Variants in DOCK5 observed in about 807,000 individuals in gnomAD.
DOCK5 encodes dedicator of cytokinesis 5.
A neutral mutation model predicts 251.8 loss-of-function variants in DOCK5; 142 were observed. The ratio of observed to expected loss-of-function variants is 0.56; its 90% CI spans 0.49 to 0.65. The LOEUF is 0.65. Ranked by LOEUF, DOCK5 falls within the 30% of genes least tolerant of loss-of-function variation. The pLI is 0.00. For missense variants in DOCK5, 2,111 were observed against 2,312.3 expected, an observed-to-expected ratio of 0.91 and a Z score of 1.79; for synonymous variants, 842 against 835.5, an observed-to-expected ratio of 1.01 and a Z score of -0.13.
At chr8:25,395,990 G>T in intron 45 of DOCK5, 1 of 509,810 alleles carries the variant, frequency 2.0e-6, no homozygotes, top group Non-Finnish European at 3.6e-6. Context: ...TGTCTCCCCT[G>T]AGGGTTATAC....
chr8:25,348,151 C>T (rs1800403456), intron 26 of DOCK5, among the ~76,000 whole-genome samples: 2 of 152,158 alleles, frequency 1.3e-5, no homozygotes, highest in Admixed American at 1.3e-4. Flanking sequence ...CCTCTCATCT[C>T]CTTAGTTAAC....
At chr8:25,386,605 A>C (rs371233261) in intron 40 of DOCK5, among the ~76,000 whole-genome samples, 2 of 152,274 alleles carry the variant, frequency 1.3e-5, no homozygotes, top group East Asian at 3.9e-4. Context: ...CTCAAAAAAT[A>C]AAATAAAAAA....
chr8:25,251,306 A>T (rs1268099338), intron 2 of DOCK5, among the ~76,000 whole-genome samples: 1 of 152,234 alleles, frequency 6.6e-6, no homozygotes, highest in African/African-American at 2.4e-5. Flanking sequence ...AGGCAGGCAC[A>T]GCACATATTA....
intron 4 of DOCK5, chr8:25,276,934 T>C (rs1317949742): frequency 6.6e-6 from 1 of 152,202 alleles, no homozygotes; most frequent in Non-Finnish European, 1.5e-5. Context: ...GAGGATGTTA[T>C]GACACAGGCG....
In DOCK5 at chr8:25,372,037, A is replaced by G. The variant is rs77304336; in HGVS notation, c.3525-522A>G. Among the ~76,000 whole-genome samples, 544 of 152,356 alleles carry G rather than the reference A, an allele frequency of 3.6e-3. 4 individuals carry two copies. Among genetic ancestry groups the G allele is most frequent in the African/African-American group, 0.013 (528 of 41,576 alleles). On this transcript the variant is annotated intron_variant, in intron 34 of 51. Transcript: ENST00000276440. ...CTGAAGCTAACACTTTTATCTAAAG[A>G]GCCGCATTGCAGGAGATGTACTAGG...
intron 1 of DOCK5, among the ~76,000 whole-genome samples, chr8:25,185,277 C>G: frequency 6.6e-6 from 1 of 152,166 alleles, no homozygotes; most frequent in East Asian, 1.9e-4. Flanking sequence ...GGGGCCGCAG[C>G]TCTGTGGCTC....
At chr8:25,232,470 A>C (rs1369738364) in intron 1 of DOCK5, among the ~76,000 whole-genome samples, 1 of 152,222 alleles carries the variant, frequency 6.6e-6, no homozygotes. Context: ...AGTAAACAAC[A>C]GAAATAGATT....
chr8:25,242,505 G>T (rs1563321605), intron 1 of DOCK5, among the ~76,000 whole-genome samples: 3 of 152,120 alleles, frequency 2.0e-5, no homozygotes, highest in Admixed American at 2.0e-4. Context: ...CTTTATCATA[G>T]CCATTCTAGT....
intron 2 of DOCK5, among the ~76,000 whole-genome samples, chr8:25,252,265 C>T (rs953570047): frequency 6.6e-6 from 1 of 152,082 alleles, no homozygotes; most frequent in Non-Finnish European, 1.5e-5. Flanking sequence ...AAGAGAGAGA[C>T]AAAAGATTCA....
chr8:25,399,843 A>G (rs2117333205), intron 45 of DOCK5, 68 bp from the exon 46 acceptor site: 2 of 1,246,644 alleles, frequency 1.6e-6, no homozygotes, highest in South Asian at 2.6e-5. Context: ...CACATGTTTC[A>G]CCCTTCCAGG....
chr8:25,207,541 C>T (rs1430492134), intron 1 of DOCK5, among the ~76,000 whole-genome samples: 2 of 152,172 alleles, frequency 1.3e-5, no homozygotes, highest in East Asian at 3.9e-4. Context: ...GGGCCCTTAA[C>T]AATTATGCTA....
chr8:25,199,371 C>T (rs979045789), intron 1 of DOCK5, among the ~76,000 whole-genome samples: 4 of 143,170 alleles, frequency 2.8e-5, no homozygotes, highest in East Asian at 2.1e-4. Flanking sequence ...CTTCCATTTC[C>T]GCTCTGTTCT....
At chr8:25,314,544 C>G (rs1350328551) in intron 13 of DOCK5, among the ~76,000 whole-genome samples, 1 of 149,706 alleles carries the variant, frequency 6.7e-6, no homozygotes, top group Non-Finnish European at 1.5e-5. Flanking sequence ...ATCCATTCAT[C>G]CATCCATCCA....
At chr8:25,223,965 T>C (rs1214462301) in intron 1 of DOCK5, among the ~76,000 whole-genome samples, 1 of 152,202 alleles carries the variant, frequency 6.6e-6, no homozygotes, top group Non-Finnish European at 1.5e-5. Flanking sequence ...TTTCTCTGTT[T>C]TATTTACTGC....
intron 1 of DOCK5, among the ~76,000 whole-genome samples, chr8:25,199,383 T>TC (rs1554515507): frequency 6.8e-6 from 1 of 147,642 alleles, no homozygotes; most frequent in Non-Finnish European, 1.5e-5. Context: ...CTCTGTTCTT[T>TC]TTTTTTTTTT....
At chr8:25,368,368 G>C in intron 32 of DOCK5, 118 bp downstream of exon 32, 2 of 1,141,116 alleles carry the variant, frequency 1.8e-6, no homozygotes, top group Non-Finnish European at 2.5e-6. Flanking sequence ...CTGTGTGTCT[G>C]GAAGTGAAAG....
rs1801631489 is a variant in DOCK5, at chr8:25,411,476, T to G, written c.*178T>G. ...CAAAAGCTTCTCTTTGATAGAATTT[T>G]GAGGCCATGCCACCTCCCTTCCAGT... On this transcript the variant is annotated 3_prime_UTR_variant, in exon 52 of 52. Coordinates refer to ENST00000276440, the MANE Select transcript of DOCK5 (RefSeq NM_024940.8). 3.3e-6 allele frequency: 3 copies of G among 897,046 alleles called. No individual in the cohort carries two copies. In the African/African-American group the frequency reaches 5.3e-5, roughly 16 times the overall value. The allele number at this position is 897,046 out of a possible 1,614,324, so 55.6% of individuals were successfully genotyped here.
intron 18 of DOCK5, among the ~76,000 whole-genome samples, chr8:25,331,853 C>A (rs1805691773): frequency 7.4e-6 from 1 of 134,902 alleles, no homozygotes; most frequent in African/African-American, 2.8e-5. Flanking sequence ...TACACACATA[C>A]CTATGTTCCT....
rs978617450 is a variant in DOCK5, at chr8:25,341,766, A to G, written c.2467A>G (p.Ile823Val). ...KGAALKYLPSIINDVKLVFDP... is the reference protein window; with the variant it reads ...KGAALKYLPSVINDVKLVFDP... ...GGCAGCTTTGAAGTACCTTCCTAGC[A>G]TAATTAATGATGTCAAACTTGTATT... Residue 823 changes from isoleucine (I) to valine (V), a missense_variant, in exon 24 of 52, where the codon ATA becomes GTA. Transcript: ENST00000276440. 4 of 1,578,498 alleles carry G rather than the reference A, an allele frequency of 2.5e-6. No homozygotes were observed. The highest frequency in any genetic ancestry group is 2.7e-5 in the African/African-American group (2 of 74,348).
Sources: allele counts gnomAD v4.1 joint callset (sites outside exome capture counted in the v4.1 genomes callset), GRCh38; gene constraint gnomAD v4.1.1; transcripts MANE v1.5; gene names NCBI Gene and HGNC (gene_info 2026-07-23, HGNC 2026-07-21).